The following SLC24A2 variants were observed in gnomAD, a reference collection of about 807,000 sequenced individuals.
The protein encoded by SLC24A2 is sodium/potassium/calcium exchanger 2.
In SLC24A2, 36 loss-of-function variants were observed where a neutral mutation model predicts 62.0. That is an observed-to-expected ratio of 0.58 (90% confidence interval 0.44 to 0.77). The LOEUF (loss-of-function observed/expected upper bound fraction) is 0.77, where lower values mean the gene tolerates loss of function less well. Among genes scored for constraint, SLC24A2 ranks in the 30% least tolerant of loss-of-function variants. SLC24A2 has a pLI of 0.00. For missense variants in SLC24A2, 846 were observed against 817.9 expected (o/e 1.03, Z -0.42); for synonymous variants, 358 against 294.0 (o/e 1.22, Z -2.23).
chr9:20,197,427 C>CTTTTTTT, the SLC24A2 span, among the ~76,000 whole-genome samples: 14 of 93,154 alleles, frequency 1.5e-4, 1 homozygote, highest in African/African-American at 1.8e-4. Flanking sequence ...CTCTCTCTCT[C>CTTTTTTT]TTTTTTTTTT....
the SLC24A2 span, among the ~76,000 whole-genome samples, chr9:19,986,593 T>TA: frequency 3.3e-5 from 5 of 151,902 alleles, no homozygotes; most frequent in Non-Finnish European, 7.4e-5. Flanking sequence ...ATATCCAATG[T>TA]AATATTATTC....
the SLC24A2 span, among the ~76,000 whole-genome samples, chr9:19,859,442 C>T: frequency 5.3e-5 from 8 of 152,048 alleles, no homozygotes; most frequent in Non-Finnish European, 8.8e-5. Context: ...ATCAAACCCC[C>T]AAGACATGCA....
the SLC24A2 span, among the ~76,000 whole-genome samples, chr9:19,884,927 G>C: frequency 0.41 from 62,400 of 151,952 alleles, 13,386 homozygotes; most frequent in East Asian, 0.84. Context: ...AACTTACGAT[G>C]GATTTATTGG....
the SLC24A2 span, among the ~76,000 whole-genome samples, chr9:20,116,074 T>C: frequency 3.9e-5 from 6 of 152,178 alleles, no homozygotes; most frequent in African/African-American, 1.2e-4. Flanking sequence ...GGGCAGAAGT[T>C]ACTGGGAATT....
the SLC24A2 span, among the ~76,000 whole-genome samples, chr9:20,136,915 T>C: frequency 6.6e-6 from 1 of 152,116 alleles, no homozygotes; most frequent in Non-Finnish European, 1.5e-5. Context: ...TTACGCCGCA[T>C]TAAAAGCAAG....
the SLC24A2 span, among the ~76,000 whole-genome samples, chr9:19,978,874 C>CA: frequency 6.6e-6 from 1 of 151,852 alleles, no homozygotes; most frequent in Non-Finnish European, 1.5e-5. Flanking sequence ...CTCTACTGAA[C>CA]AAAAAAGGCA....
At chr9:20,073,150 T>C in the SLC24A2 span, among the ~76,000 whole-genome samples, 1 of 152,202 alleles carries the variant, frequency 6.6e-6, no homozygotes, top group Non-Finnish European at 1.5e-5. Flanking sequence ...GCTGTTCAGG[T>C]CTCACCAAGC....
chr9:19,989,657 C>T, the SLC24A2 span, among the ~76,000 whole-genome samples: 1 of 152,224 alleles, frequency 6.6e-6, no homozygotes, highest in Non-Finnish European at 1.5e-5. Context: ...TCTGATCCCT[C>T]TGTCAACTAA....
chr9:19,848,372 G>A, the SLC24A2 span, among the ~76,000 whole-genome samples: 7 of 152,080 alleles, frequency 4.6e-5, no homozygotes, highest in Non-Finnish European at 1.0e-4. Flanking sequence ...TCTTAGCTGT[G>A]TTATTACCTG....
intron 9 of SLC24A2, among the ~76,000 whole-genome samples, chr9:19,523,622 C>G (rs1281571496): frequency 2.0e-5 from 3 of 152,050 alleles, no homozygotes; most frequent in African/African-American, 7.2e-5. Flanking sequence ...GCCACCATGC[C>G]TGGCTAATTT....
intron 7 of SLC24A2, among the ~76,000 whole-genome samples, chr9:19,563,310 T>G (rs377144333): frequency 2.0e-5 from 3 of 152,246 alleles, no homozygotes; most frequent in East Asian, 3.9e-4. Flanking sequence ...TCCAGGAGAT[T>G]GAAAAACCAG....
chr9:20,142,158 T>C, the SLC24A2 span, among the ~76,000 whole-genome samples: 1 of 152,168 alleles, frequency 6.6e-6, no homozygotes, highest in Non-Finnish European at 1.5e-5. Context: ...TATTTCCCTT[T>C]TTAGAGATTC....
At chr9:20,227,363 C>T in the SLC24A2 span, among the ~76,000 whole-genome samples, 1 of 152,022 alleles carries the variant, frequency 6.6e-6, no homozygotes, top group Non-Finnish European at 1.5e-5. Context: ...GGCAAGTGGT[C>T]CACACTTACT....
chr9:19,668,301 CA>C (rs2118294365), intron 2 of SLC24A2, among the ~76,000 whole-genome samples: 1 of 152,250 alleles, frequency 6.6e-6, no homozygotes, highest in South Asian at 2.1e-4. Context: ...AAGTCATTCC[CA>C]ATATCACACT....
At chr9:20,275,796 A>C in the SLC24A2 span, among the ~76,000 whole-genome samples, 2 of 152,180 alleles carry the variant, frequency 1.3e-5, no homozygotes, top group African/African-American at 4.8e-5. Context: ...AGGCCTCACA[A>C]TCATGGTGGA....
chr9:19,690,289 T>C (rs972965656), intron 2 of SLC24A2, among the ~76,000 whole-genome samples: 2 of 152,060 alleles, frequency 1.3e-5, no homozygotes, highest in Non-Finnish European at 2.9e-5. Context: ...GTCCGTTTGA[T>C]TTAGTAGGGG....
At chr9:20,151,655 C>T in the SLC24A2 span, among the ~76,000 whole-genome samples, 2 of 151,904 alleles carry the variant, frequency 1.3e-5, no homozygotes, top group African/African-American at 4.8e-5. Context: ...GACTGAGGAA[C>T]GTGGTCTTTC....
the SLC24A2 span, among the ~76,000 whole-genome samples, chr9:20,053,642 C>T: frequency 6.6e-6 from 1 of 152,090 alleles, no homozygotes; most frequent in Non-Finnish European, 1.5e-5. Context: ...AGATTATGAC[C>T]TTATAAAACA....
Position 19,550,205 on chromosome 9 carries a change from CT to C in SLC24A2, c.1410del (p.Val471SerfsTer4). ...ATGGGGAAAACAATCAGAAACGTGA[CT>C]TGCTTGCGGGTTTCAGAAGGCCAGG... The part of the protein sequence containing the change: ...SLAWPSETRK[Q>X]VTFLIVFPIV... On this transcript the variant is annotated frameshift_variant, in exon 8 of 11. Transcript: ENST00000341998. LOFTEE classifies it high-confidence loss of function. 2 of 1,614,130 alleles carry C rather than the reference CT, an allele frequency of 1.2e-6. No individual in the cohort carries two copies. Among genetic ancestry groups the C allele is most frequent in the Non-Finnish European group, 1.7e-6 (2 of 1,180,006 alleles).
Sources: allele counts gnomAD v4.1 joint callset (sites outside exome capture counted in the v4.1 genomes callset), GRCh38; gene constraint gnomAD v4.1.1; transcripts MANE v1.5; gene names NCBI Gene and HGNC (gene_info 2026-07-23, HGNC 2026-07-21).